The following TRIM5 variants were observed in gnomAD, a reference collection of about 807,000 sequenced individuals.
TRIM5 encodes the protein tripartite motif-containing protein 5.
TRIM5 carries 31 observed loss-of-function variants against 35.6 expected under a neutral mutation model. The observed-to-expected ratio is 0.87, with a 90% CI of 0.65 to 1.18. The LOEUF (loss-of-function observed/expected upper bound fraction) is 1.18, where lower values mean the gene tolerates loss of function less well. Among genes scored for constraint, TRIM5 ranks in the 50% most tolerant of loss-of-function variants. TRIM5 has a pLI of 0.00. For missense variants in TRIM5, 609 were observed against 591.6 expected, an observed-to-expected ratio of 1.03 and a Z score of -0.31; for synonymous variants, 243 against 215.6, an observed-to-expected ratio of 1.13 and a Z score of -1.11.
chr11:5,672,269 T>C (rs1458426712), intron 4 of TRIM5, among the ~76,000 whole-genome samples: 1 of 152,214 alleles, frequency 6.6e-6, no homozygotes, highest in Non-Finnish European at 1.5e-5. Context: ...TGCAGTGCAG[T>C]GGTGCCATCT....
chr11:5,671,192 T>C (rs958502050), intron 4 of TRIM5, among the ~76,000 whole-genome samples: 1 of 151,924 alleles, frequency 6.6e-6, no homozygotes, highest in African/African-American at 2.4e-5. Flanking sequence ...CACCACTACA[T>C]ACTAGCATGG....
At chr11:5,661,356 G>A (rs531185204), downstream of TRIM5, among the ~76,000 whole-genome samples, 6 of 151,990 alleles carry the variant, frequency 3.9e-5, no homozygotes, top group South Asian at 1.0e-3. Flanking sequence ...CTTAGAATTG[G>A]CTCTTCATCA....
the TRIM5 span, among the ~76,000 whole-genome samples, chr11:5,629,705 T>G: frequency 1.7e-4 from 26 of 152,224 alleles, no homozygotes; most frequent in African/African-American, 5.3e-4. Flanking sequence ...GTGAGGATTC[T>G]TTTGTTTTGT....
At chr11:5,596,641 G>A in the TRIM5 span, 1 of 433,142 alleles carries the variant, frequency 2.3e-6, no homozygotes, top group Non-Finnish European at 4.1e-6. Flanking sequence ...CCTCCCAGAA[G>A]GAGTTGGGAG....
At chr11:5,599,909 G>T in the TRIM5 span, among the ~76,000 whole-genome samples, 1 of 152,086 alleles carries the variant, frequency 6.6e-6, no homozygotes, top group Non-Finnish European at 1.5e-5. Flanking sequence ...TGCCTCTAGA[G>T]CCTCTATTGC....
chr11:5,618,440 T>G, the TRIM5 span, among the ~76,000 whole-genome samples: 1 of 152,138 alleles, frequency 6.6e-6, no homozygotes, highest in Admixed American at 6.5e-5. Context: ...TTAGGCCTAA[T>G]GAAGGAATAG....
At chr11:5,593,692 T>C in the TRIM5 span, among the ~76,000 whole-genome samples, 1 of 152,362 alleles carries the variant, frequency 6.6e-6, no homozygotes, top group South Asian at 2.1e-4. Context: ...ATTCCTGGTA[T>C]ATACTGAGTA....
the TRIM5 span, chr11:5,634,576 C>T: frequency 4.5e-5 from 68 of 1,517,272 alleles, no homozygotes; most frequent in African/African-American, 5.7e-5. Flanking sequence ...ATCCCTTGCA[C>T]AATAGGCCTT....
downstream of TRIM5, among the ~76,000 whole-genome samples, chr11:5,658,607 T>C (rs1850709017): frequency 6.6e-6 from 1 of 152,238 alleles, no homozygotes; most frequent in South Asian, 2.1e-4. Flanking sequence ...ACTGCTTTTG[T>C]CACTTTCTAG....
At chr11:5,683,890 C>T (rs1239214625) in intron 1 of TRIM5, 1 of 152,284 alleles carries the variant, frequency 6.6e-6, no homozygotes, top group Non-Finnish European at 1.5e-5. Flanking sequence ...GGTCCCCTTC[C>T]ACACTATGGA....
the TRIM5 span, among the ~76,000 whole-genome samples, chr11:5,634,247 G>GCAGT: frequency 2.0e-5 from 3 of 152,112 alleles, no homozygotes; most frequent in Admixed American, 2.0e-4. Flanking sequence ...GGTAAGGCAG[G>GCAGT]CAGTCATGAA....
chr11:5,682,548 T>A (rs1483408074), intron 1 of TRIM5, among the ~76,000 whole-genome samples: 1 of 152,194 alleles, frequency 6.6e-6, no homozygotes, highest in East Asian at 1.9e-4. Flanking sequence ...TAGACAAAGT[T>A]GCTTAAGAAG....
chr11:5,605,436 C>A, the TRIM5 span: 1 of 1,614,150 alleles, frequency 6.2e-7, no homozygotes, highest in Non-Finnish European at 8.5e-7. Flanking sequence ...AAAGCTGGAA[C>A]AGGAAGAGAA....
the TRIM5 span, among the ~76,000 whole-genome samples, chr11:5,608,873 CAG>C: frequency 2.2e-5 from 1 of 46,410 alleles, no homozygotes; most frequent in Non-Finnish European, 3.6e-5. Flanking sequence ...TTTTTTGAGA[CAG>C]AGTTTCACTC....
the TRIM5 span, among the ~76,000 whole-genome samples, chr11:5,617,620 C>G: frequency 4.2e-5 from 6 of 141,904 alleles, no homozygotes; most frequent in Non-Finnish European, 9.2e-5. Flanking sequence ...TCCCGAGTAG[C>G]TGGGATTACA....
intron 5 of TRIM5, chr11:5,666,335 ATAAT>A (rs1851135913): frequency 3.7e-6 from 2 of 541,390 alleles, no homozygotes; most frequent in Non-Finnish European, 6.7e-6. Flanking sequence ...CTAAAATGAA[ATAAT>A]TAACCTCTCC....
chr11:5,665,003 A>G lies in TRIM5; in HGVS notation c.1288T>C (p.Ser430Pro), dbSNP rs1211203266. The G allele has an allele frequency of 6.2e-7, 1 of 1,614,092 alleles. No homozygotes were observed. Among genetic ancestry groups the G allele is most frequent in the African/African-American group, 1.3e-5 (1 of 74,946 alleles). ...TPSVPFIVPL[S>P]VIICPDRVGV... ...ACACGATCAGGACAAATAATCACAG[A>G]GAGGGGCACAATGAAAGGAACAGAA... The change falls in exon 8 of 8, where the codon TCT becomes CCT. Residue 430 changes from serine (S) to proline (P), a missense_variant. By Grantham distance (74) the Ser-to-Pro change is moderately conservative (BLOSUM62 -1). Transcript: ENST00000380034.
At chr11:5,604,605 CAG>C in the TRIM5 span, 4 of 1,612,774 alleles carry the variant, frequency 2.5e-6, no homozygotes, top group African/African-American at 4.0e-5. Context: ...CAGCTTTTAT[CAG>C]AGAGAAGAAA....
At chr11:5,629,199 C>T in the TRIM5 span, among the ~76,000 whole-genome samples, 1 of 152,078 alleles carries the variant, frequency 6.6e-6, no homozygotes, top group South Asian at 2.1e-4. Flanking sequence ...ATCGCTTGAA[C>T]CTGGGAGGCG....
Sources: gnomAD v4.1 joint callset for allele counts (sites outside exome capture counted in the v4.1 genomes callset) on GRCh38, gnomAD v4.1.1 for gene constraint, MANE v1.5 for transcripts, NCBI Gene and HGNC (gene_info 2026-07-23, HGNC 2026-07-21) for gene names.